Variants in PADI4 observed in about 807,000 individuals in gnomAD.
The protein encoded by PADI4 is protein-arginine deiminase type-4.
PADI4 carries 62 observed loss-of-function variants against 75.0 expected under a neutral mutation model. The observed-to-expected ratio is 0.83, with a 90% CI of 0.67 to 1.02. PADI4 has a LOEUF of 1.02. Ranked by LOEUF, PADI4 falls within the 50% of genes least tolerant of loss-of-function variation. PADI4 has a pLI of 0.00. For missense variants in PADI4, 845 were observed against 850.5 expected (o/e 0.99, Z 0.08); for synonymous variants, 361 against 348.1 (o/e 1.04, Z -0.41).
chr1:17,344,885 C>T (rs2074487747), intron 8 of PADI4, among the ~76,000 whole-genome samples: 1 of 152,230 alleles, frequency 6.6e-6, no homozygotes, highest in African/African-American at 2.4e-5. Flanking sequence ...GGAGCCCCCA[C>T]ACAGAGTCCC....
chr1:17,359,349 A>C lies in PADI4; in HGVS notation c.1699A>C (p.Ile567Leu). ...CCTGGCCGAGAGTGACATCATTGAC[A>C]TCCCGCAGCTCTTCAAGCTCAAAGA... ...LGLAESDIID[I>L]PQLFKLKEFS... is the part of the protein sequence containing the mutation. Residue 567 changes from isoleucine to leucine, a missense_variant, in exon 15 of 16, where the codon ATC becomes CTC. Transcript: ENST00000375448. 1 of 1,613,962 alleles carries C rather than the reference A, an allele frequency of 6.2e-7. No homozygotes were observed. Among genetic ancestry groups the C allele is most frequent in the Non-Finnish European group, 8.5e-7 (1 of 1,179,972 alleles).
intron 15 of PADI4, 38 bp from the exon 16 acceptor site, chr1:17,363,484 C>A: frequency 2.1e-6 from 3 of 1,452,212 alleles, no homozygotes; most frequent in East Asian, 2.3e-5. Context: ...GCAGGCTGCC[C>A]GCTGCTGCCT....
intron 2 of PADI4, among the ~76,000 whole-genome samples, chr1:17,333,530 C>G (rs2074253846): frequency 6.6e-6 from 1 of 151,910 alleles, no homozygotes; most frequent in Non-Finnish European, 1.5e-5. Context: ...CAGGACCCGG[C>G]CTTTCCAGGG....
rs1452525955 is a variant in PADI4, at chr1:17,339,607, C to A, written c.527-81C>A. ...CAGGGGAGCGGTGGGGTGTGAGGCT[C>A]CACCAGGAGGTGAGGTGGCTATGGG... On this transcript the variant is annotated intron_variant, in intron 5 of 15. Transcript: ENST00000375448. 16 of 1,518,810 alleles carry A rather than the reference C, an allele frequency of 1.1e-5. No homozygotes were observed. The African/African-American group carries it at 2.2e-4, about 21-fold the overall frequency. 94.1% of individuals were successfully genotyped at this position (1,518,810 alleles called of 1,614,324 possible). A position where few individuals can be genotyped will look rare whatever the true frequency, so the allele number is the denominator to read the frequency against.
Position 17,359,355 on chromosome 1 carries a change from C to T in PADI4, c.1705C>T (p.Gln569Ter). Residue 569 changes from glutamine to a stop codon, truncating the protein, a stop_gained, in exon 15 of 16, where the codon CAG (glutamine) becomes TAG (stop). Transcript: ENST00000375448. LOFTEE classifies it high-confidence loss of function. ...LAESDIIDIP[Q>*]LFKLKEFSKA... ...CGAGAGTGACATCATTGACATCCCG[C>T]AGCTCTTCAAGCTCAAAGAGTTCTC... is the stretch of plus-strand genomic sequence containing the variant. 6.2e-7 allele frequency: 1 copy of T among 1,614,126 alleles called. No individual in the cohort carries two copies. The highest frequency in any genetic ancestry group is 8.5e-7 in the Non-Finnish European group (1 of 1,179,988).
At chr1:17,338,212 A>C in intron 5 of PADI4, 57 bp downstream of exon 5, 1 of 1,093,214 alleles carries the variant, frequency 9.1e-7, no homozygotes, top group East Asian at 2.4e-5. Context: ...TTTTGCCCAC[A>C]TAGCCTGAAC....
chr1:17,323,857 AAC>A (rs944988013), intron 1 of PADI4, among the ~76,000 whole-genome samples: 23 of 98,294 alleles, frequency 2.3e-4, no homozygotes, highest in African/African-American at 7.9e-4. Context: ...CAACAACAAC[AAC>A]AAAAAAAACA....
At position 17,311,818 on chromosome 1, in the gene PADI4, C is replaced by A. The variant is rs148122683; in HGVS notation, c.92+3504C>A. Among the ~76,000 whole-genome samples the A allele has an allele frequency of 3.1e-3, 476 of 152,264 alleles. 4 individuals are homozygous for A. The highest frequency in any genetic ancestry group is 0.011 in the African/African-American group (455 of 41,560). On this transcript the variant is annotated intron_variant, in intron 1 of 15. Transcript: ENST00000375448. Reference sequence around the variant, plus strand: ...GGGATTACAGGCTTGAGCCACCGCGCCCAGCCGGGTTTCCTTCTGAATAGA... The same window carrying A: ...GGGATTACAGGCTTGAGCCACCGCGACCAGCCGGGTTTCCTTCTGAATAGA...
intron 1 of PADI4, among the ~76,000 whole-genome samples, chr1:17,315,767 C>T (rs561552856): frequency 6.6e-6 from 1 of 152,144 alleles, no homozygotes; most frequent in African/African-American, 2.4e-5. Context: ...ACCCTTTTCT[C>T]ATACCTTCCC....
At chr1:17,323,532 A>G (rs927110911) in intron 1 of PADI4, among the ~76,000 whole-genome samples, 1 of 152,204 alleles carries the variant, frequency 6.6e-6, no homozygotes, top group African/African-American at 2.4e-5. Flanking sequence ...TACAAAGATA[A>G]AAATAGAAAA....
chr1:17,340,409 G>A (rs1185659808), intron 6 of PADI4, among the ~76,000 whole-genome samples: 1 of 152,162 alleles, frequency 6.6e-6, no homozygotes, highest in Admixed American at 6.6e-5. Context: ...TTCGGGTTGT[G>A]TGGAGAGAGG....
rs145309015 is a variant in PADI4, at chr1:17,341,968, C to T, written c.678C>T (p.Ser226=). ...GGGGCAAACTGTCCTCCAAGTGCAGCGTAGTCTTGGGTCCCAAGTGGCCCT... is the reference window on the plus strand; with the variant it reads ...GGGGCAAACTGTCCTCCAAGTGCAGTGTAGTCTTGGGTCCCAAGTGGCCCT... ...ATRGKLSSKC[S]VVLGPKWPSH... is the part of the protein sequence containing the mutation. Residue 226 remains serine, a synonymous_variant, in exon 7 of 16, where the codon AGC becomes AGT. Transcript: ENST00000375448. 107 of 1,613,930 alleles carry T rather than the reference C, an allele frequency of 6.6e-5. No homozygotes were observed. The African/African-American group carries it at 1.2e-3, about 18-fold the overall frequency.
At position 17,311,716 on chromosome 1, in the gene PADI4, G is replaced by A. The variant is rs990103120; in HGVS notation, c.92+3402G>A. ...ATTTTTTTGTATTTTCAGTAGAGAC[G>A]GTGTTTCACCGTGTTAGCCAGGATG... On this transcript the variant is annotated intron_variant, in intron 1 of 15. Transcript: ENST00000375448. Among the ~76,000 whole-genome samples, 4 of 152,082 alleles carry A rather than the reference G, an allele frequency of 2.6e-5. No individual in the cohort carries two copies. In the East Asian group the frequency reaches 5.9e-4, roughly 22 times the overall value.
At chr1:17,328,183 C>A (rs2074146250) in intron 1 of PADI4, among the ~76,000 whole-genome samples, 1 of 151,978 alleles carries the variant, frequency 6.6e-6, no homozygotes, top group Non-Finnish European at 1.5e-5. Flanking sequence ...GCCACCATAC[C>A]CAGCTAATTG....
chr1:17,312,826 T>C (rs554941335), intron 1 of PADI4, among the ~76,000 whole-genome samples: 2 of 152,160 alleles, frequency 1.3e-5, no homozygotes, highest in South Asian at 4.2e-4. Flanking sequence ...AGGAATTTCC[T>C]TGTCGGCAAA....
intron 10 of PADI4, 62 bp from the exon 11 acceptor site, chr1:17,354,471 C>G: frequency 6.7e-7 from 1 of 1,500,268 alleles, no homozygotes; most frequent in Non-Finnish European, 9.3e-7. Flanking sequence ...AACTTGGACC[C>G]CCCGACCCTT....
Position 17,334,985 on chromosome 1 carries a change from TA to T in PADI4, c.340+985del, listed in dbSNP as rs1040251342. On this transcript the variant is annotated intron_variant, in intron 3 of 15. Coordinates refer to ENST00000375448, the MANE Select transcript of PADI4 (RefSeq NM_012387.3). ...AGTGAGATCCTGTCTCTACAAAAAATAAAAAAAAACAGCTGAGCATGGTGGC... is the reference window on the plus strand; with the variant it reads ...AGTGAGATCCTGTCTCTACAAAAAATAAAAAAAACAGCTGAGCATGGTGGC... Among the ~76,000 whole-genome samples the T allele has an allele frequency of 1.1e-4, 17 of 149,670 alleles. 1 individual carries two copies. Among genetic ancestry groups the T allele is most frequent in the South Asian group, 4.2e-4 (2 of 4,738 alleles).
rs1237754852 is a variant in PADI4 at position 17,356,360 on chromosome 1, T to G, written c.1459T>G (p.Phe487Val). ...ACCCCAGTGTTTCTGCCTCCAGGGCTTCCGGCTGCTCCTGGCCAGCCCCAG... is the reference window on the plus strand; with the variant it reads ...ACCCCAGTGTTTCTGCCTCCAGGGCGTCCGGCTGCTCCTGGCCAGCCCCAG... ...SFVPAPDRKG[F>V]RLLLASPRSC... The change falls in exon 13 of 16, where the codon TTC becomes GTC. Residue 487 changes from phenylalanine (F) to valine (V), a missense_variant. Transcript: ENST00000375448. The surrounding 1 kb of genome is among the most constrained non-coding windows in gnomAD (Gnocchi z 4.1). The G allele has an allele frequency of 2.5e-6, 4 of 1,601,346 alleles. No homozygotes were observed. The South Asian group carries it at 4.5e-5, about 18-fold the overall frequency.
chr1:17,360,688 G>A (rs998807514), intron 15 of PADI4, among the ~76,000 whole-genome samples: 2 of 152,266 alleles, frequency 1.3e-5, no homozygotes, highest in South Asian at 2.1e-4. Flanking sequence ...CTGGGGCTCC[G>A]GGGTGATGCA....
Sources: gnomAD v4.1 joint callset for allele counts (sites outside exome capture counted in the v4.1 genomes callset) on GRCh38, gnomAD v4.1.1 for gene constraint, Gnocchi (gnomAD v3.1) non-coding constraint, MANE v1.5 for transcripts, NCBI Gene and HGNC (gene_info 2026-07-23, HGNC 2026-07-21) for gene names.